Variants in MRPS5 observed in about 807,000 individuals in gnomAD.
The protein encoded by MRPS5 is mitochondrial ribosomal protein S5.
In MRPS5, 27 loss-of-function variants were observed where a neutral mutation model predicts 51.9. The ratio of observed to expected loss-of-function variants is 0.52; its 90% CI spans 0.38 to 0.72. The LOEUF is 0.72. MRPS5 is among the 30% of genes least tolerant of loss of function. The pLI is 0.00. For missense variants in MRPS5, 570 were observed against 545.7 expected, an observed-to-expected ratio of 1.04 and a Z score of -0.44; for synonymous variants, 196 against 193.2, an observed-to-expected ratio of 1.01 and a Z score of -0.12.
chr2:95,113,086 C>A (rs1195021991), intron 3 of MRPS5, among the ~76,000 whole-genome samples: 1 of 151,792 alleles, frequency 6.6e-6, no homozygotes, highest in African/African-American at 2.4e-5. Context: ...GAAGAGAGTC[C>A]GAGGCAGGGG....
Position 95,106,365 on chromosome 2 carries a change from C to T in MRPS5, c.672+58G>A, listed in dbSNP as rs1342717175. 1.5e-5 allele frequency: 11 copies of T among 725,646 alleles called. No homozygotes were observed. The Admixed American group carries it at 1.8e-4, about 12-fold the overall frequency. The allele number at this position is 725,646 out of a possible 1,614,324, so 45.0% of individuals were successfully genotyped here. A position where few individuals can be genotyped will look rare whatever the true frequency, so the allele number is the denominator to read the frequency against. The stretch of plus-strand genomic sequence containing the variant: ...TACAGTTCCTCTTGCCCTGTCCCTG[C>T]CCCACCCACCCCAACCTCTCCAAAG... On this transcript the variant is annotated intron_variant, in intron 6 of 11. Coordinates refer to ENST00000272418, the MANE Select transcript of MRPS5 (RefSeq NM_031902.5).
intron 1 of MRPS5, among the ~76,000 whole-genome samples, chr2:95,118,151 T>C (rs889289525): frequency 6.6e-6 from 1 of 152,132 alleles, no homozygotes; most frequent in African/African-American, 2.4e-5. Context: ...TACCAAGCCC[T>C]TCAGTCTCCT....
chr2:95,100,253 T>C (rs1209725321), intron 10 of MRPS5, among the ~76,000 whole-genome samples: 1 of 152,238 alleles, frequency 6.6e-6, no homozygotes, highest in Non-Finnish European at 1.5e-5. Context: ...CTCCCCACCG[T>C]AAATTATTCC....
chr2:95,094,759 C>T (rs1226834124), intron 10 of MRPS5, among the ~76,000 whole-genome samples: 1 of 152,164 alleles, frequency 6.6e-6, no homozygotes, highest in Non-Finnish European at 1.5e-5. Flanking sequence ...ACAACCGGTA[C>T]CAGCCACTGC....
intron 8 of MRPS5, among the ~76,000 whole-genome samples, chr2:95,101,393 A>T (rs1233518783): frequency 6.6e-6 from 1 of 152,144 alleles, no homozygotes; most frequent in Non-Finnish European, 1.5e-5. Flanking sequence ...TCAAAAAAAA[A>T]AAAAAAAAGT....
intron 4 of MRPS5, among the ~76,000 whole-genome samples, chr2:95,109,090 T>C (rs1411885953): frequency 1.3e-5 from 2 of 151,870 alleles, no homozygotes; most frequent in African/African-American, 4.8e-5. Flanking sequence ...GACAATAGGA[T>C]TGAAGAAGGT....
chr2:95,116,721 G>A (rs1438217112), intron 2 of MRPS5, among the ~76,000 whole-genome samples: 2 of 152,250 alleles, frequency 1.3e-5, no homozygotes, highest in African/African-American at 4.8e-5. Flanking sequence ...AAGCACCCTC[G>A]TGTGGCTCAA....
At chr2:95,108,566 T>G (rs1047150169) in intron 4 of MRPS5, among the ~76,000 whole-genome samples, 158 bp from the exon 5 acceptor site, 5 of 152,204 alleles carry the variant, frequency 3.3e-5, no homozygotes, top group African/African-American at 7.2e-5. Context: ...CAATCAAAAT[T>G]TTAAATATAC....
chr2:95,092,860 A>G (rs1447120173), intron 10 of MRPS5: 1 of 152,208 alleles, frequency 6.6e-6, no homozygotes, highest in Non-Finnish European at 1.5e-5. Context: ...TCTCACTGGG[A>G]CTGGTTGGAC....
At chr2:95,119,431 G>A (rs144599089) in intron 1 of MRPS5, among the ~76,000 whole-genome samples, 62 of 152,068 alleles carry the variant, frequency 4.1e-4, no homozygotes, top group South Asian at 6.2e-4. Flanking sequence ...TCAACATTGC[G>A]AGACCCTGTC....
At chr2:95,091,703 T>C (rs1229098998) in intron 10 of MRPS5, 1 of 152,168 alleles carries the variant, frequency 6.6e-6, no homozygotes, top group African/African-American at 2.4e-5. Context: ...TTTGACTTTT[T>C]ATGGTCAAAA....
intron 10 of MRPS5, among the ~76,000 whole-genome samples, chr2:95,098,540 AG>A (rs1675695254): frequency 6.6e-6 from 1 of 152,196 alleles, no homozygotes; most frequent in Admixed American, 6.5e-5. Flanking sequence ...TGTCCTTCGT[AG>A]GGACATGAAG....
rs555719292 is a variant in MRPS5 at position 95,108,001 on chromosome 2, T to C, written c.637+174A>G. Among the ~76,000 whole-genome samples the C allele has an allele frequency of 9.8e-5, 15 of 152,316 alleles. 1 individual carries two copies. The South Asian group carries it at 3.1e-3, about 32-fold the overall frequency. ...CTTTCTATCCTGTTAGTGGAATACTTCTGCACTCCACAAAATACAGTTGGG... is the reference window on the plus strand; with the variant it reads ...CTTTCTATCCTGTTAGTGGAATACTCCTGCACTCCACAAAATACAGTTGGG... On this transcript the variant is annotated intron_variant, in intron 5 of 11. Transcript: ENST00000272418.
intron 1 of MRPS5, among the ~76,000 whole-genome samples, chr2:95,121,324 CAG>C (rs2104436391): frequency 6.6e-6 from 1 of 152,262 alleles, no homozygotes; most frequent in South Asian, 2.1e-4. Flanking sequence ...ATTGAGCAAA[CAG>C]AAAATGCAAA....
In MRPS5 at chr2:95,086,057, A is replaced by G. The variant is rs998854718; in HGVS notation, c.*1300T>C. 1.3e-5 allele frequency among the ~76,000 whole-genome samples: 2 copies of G among 152,110 alleles called. No individual in the cohort carries two copies. Among genetic ancestry groups the G allele is most frequent in the Admixed American group, 6.6e-5 (1 of 15,256 alleles). On this transcript the variant is annotated 3_prime_UTR_variant, in exon 12 of 12. Transcript: ENST00000272418. ...CCTATGTAGCTGGGACTACAGGCAT[A>G]CACCACCATGTGTGTCTAACTTTTA...
At position 95,109,969 on chromosome 2, in the gene MRPS5, C is replaced by A. The variant is rs754296900; in HGVS notation, c.350G>T (p.Arg117Ile). ...GAGAKKGRGK[R>I]TKKKKRKDLN... ...ATCCTTTCTTTTCTTCTTTTTAGTT[C>A]TTTTGCCTCTTCCTTTTTTTGCTCC... The change falls in exon 4 of 12, where the codon AGA becomes ATA. Residue 117 changes from arginine to isoleucine, a missense_variant. By Grantham distance (97) the Arg-to-Ile change is moderately conservative. Transcript: ENST00000272418. 26 of 1,613,858 alleles carry A rather than the reference C, an allele frequency of 1.6e-5. No individual in the cohort carries two copies. The highest frequency in any genetic ancestry group is 1.1e-5 in the Non-Finnish European group (13 of 1,179,968).
intron 10 of MRPS5, among the ~76,000 whole-genome samples, chr2:95,095,618 C>T (rs1254379561): frequency 3.9e-5 from 6 of 152,040 alleles, no homozygotes. Context: ...GGGTAAATAA[C>T]AAAATAAAGG....
intron 10 of MRPS5, 27 bp from the exon 11 acceptor site, chr2:95,090,549 A>G (rs770318178): frequency 6.2e-7 from 1 of 1,613,664 alleles, no homozygotes; most frequent in Admixed American, 1.7e-5. Flanking sequence ...CGGGTGAAAC[A>G]CAGCCCACTC....
intron 2 of MRPS5, among the ~76,000 whole-genome samples, chr2:95,115,622 T>G (rs1205931979): frequency 6.6e-6 from 1 of 152,194 alleles, no homozygotes; most frequent in Non-Finnish European, 1.5e-5. Context: ...ATCCTACTCT[T>G]CATGTTAAAA....
Sources: allele counts gnomAD v4.1 joint callset (sites outside exome capture counted in the v4.1 genomes callset), GRCh38; gene constraint gnomAD v4.1.1; transcripts MANE v1.5; gene names NCBI Gene and HGNC (gene_info 2026-07-23, HGNC 2026-07-21).